Variants in CLHC1 observed in about 807,000 individuals in gnomAD.
CLHC1 encodes clathrin heavy chain linker domain containing 1.
Under a neutral mutation model 69.5 loss-of-function variants are expected in CLHC1, and 72 were observed. The ratio of observed to expected loss-of-function variants is 1.04; its 90% CI spans 0.86 to 1.26. The LOEUF (loss-of-function observed/expected upper bound fraction) is 1.26, where lower values mean the gene tolerates loss of function less well. CLHC1 is among the 50% of genes most tolerant of loss of function. The pLI, the probability that CLHC1 is intolerant of heterozygous loss-of-function variation, is 0.00. For missense variants in CLHC1, 790 were observed against 679.3 expected (o/e 1.16, Z -1.81); for synonymous variants, 223 against 224.3 (o/e 0.99, Z 0.05).
chr2:55,193,806 A>G (rs1671149879), intron 9 of CLHC1, among the ~76,000 whole-genome samples: 1 of 152,226 alleles, frequency 6.6e-6, no homozygotes, highest in Non-Finnish European at 1.5e-5. Flanking sequence ...ATGTAACCAC[A>G]CAAAAACTTG....
Position 55,209,516 on chromosome 2 carries a change from A to G in CLHC1, c.702T>C (p.Cys234=), listed in dbSNP as rs2103941401. 3.1e-6 allele frequency: 5 copies of G among 1,602,174 alleles called. No homozygotes were observed. Among genetic ancestry groups the G allele is most frequent in the Non-Finnish European group, 4.3e-6 (5 of 1,172,842 alleles). The change falls in exon 7 of 13, where the codon TGT becomes TGC. Residue 234 remains cysteine (C), a splice_region_variant and synonymous_variant. Coordinates refer to ENST00000401408, the MANE Select transcript of CLHC1 (RefSeq NM_152385.4). The part of the protein sequence containing the change: ...AENLNKKLQF[C]HQRLQIISQA... ...GTGAAATTATCTGCAGTCTTTGATG[A>G]CTAAAAAGATAAAAAACGTCAATAA...
intron 8 of CLHC1, among the ~76,000 whole-genome samples, chr2:55,207,803 G>A (rs969627032): frequency 1.3e-5 from 2 of 152,168 alleles, no homozygotes; most frequent in Admixed American, 6.5e-5. Context: ...TCTACAAAAA[G>A]AGCTGAAGTA....
chr2:55,223,736 G>A (rs1195129001), intron 2 of CLHC1, among the ~76,000 whole-genome samples: 1 of 152,062 alleles, frequency 6.6e-6, no homozygotes, highest in Non-Finnish European at 1.5e-5. Flanking sequence ...AGGGGCCTAG[G>A]ACGCCCCGGT....
chr2:55,208,274 T>G (rs1672631691), intron 8 of CLHC1, among the ~76,000 whole-genome samples: 2 of 152,196 alleles, frequency 1.3e-5, no homozygotes, highest in Non-Finnish European at 2.9e-5. Context: ...GATCCAAGTC[T>G]AAACACAAAA....
intron 4 of CLHC1, among the ~76,000 whole-genome samples, chr2:55,216,915 G>A (rs1673573506): frequency 6.6e-6 from 1 of 152,062 alleles, no homozygotes; most frequent in South Asian, 2.1e-4. Context: ...TGGGAGGCTG[G>A]GGCATGCAGA....
rs530357252 is a variant in CLHC1 at position 55,212,813 on chromosome 2, A to G, written c.366-7T>C. 151 of 1,596,910 alleles carry G rather than the reference A, an allele frequency of 9.5e-5. 1 individual carries two copies. Among genetic ancestry groups the G allele is most frequent in the Non-Finnish European group, 1.2e-4 (136 of 1,165,146 alleles). ...ACTTTCGATAATCCTCATTCTGGAA[A>G]ACAGAAAGGCTTTCTTATGTCTTTC... On this transcript the variant is annotated splice_polypyrimidine_tract_variant and splice_region_variant and intron_variant, in intron 4 of 12. Transcript: ENST00000401408.
chr2:55,232,364 G>C (rs1675502554), upstream of CLHC1: 1 of 274,326 alleles, frequency 3.6e-6, no homozygotes, highest in African/African-American at 2.2e-5. Flanking sequence ...ACAGTTCCCA[G>C]AATGCACTTC....
chr2:55,222,394 T>G lies in CLHC1; in HGVS notation c.18A>C (p.Ile6=). The G allele has an allele frequency of 6.2e-7, 1 of 1,613,522 alleles. No homozygotes were observed. Among genetic ancestry groups the G allele is most frequent in the Non-Finnish European group, 8.5e-7 (1 of 1,179,834 alleles). The part of the protein sequence containing the change: MSVHQ[I]RKHAVLPPII... The stretch of plus-strand genomic sequence containing the variant: ...TAGGTGGGAGAACTGCATGTTTTCT[T>G]ATTTGATGAACTGACATATTTGACA... Residue 6 remains isoleucine, a synonymous_variant, in exon 3 of 13, where the codon ATA becomes ATC. Transcript: ENST00000401408.
chr2:55,212,364 T>C (rs1673091311), intron 5 of CLHC1, among the ~76,000 whole-genome samples: 1 of 152,334 alleles, frequency 6.6e-6, no homozygotes, highest in Non-Finnish European at 1.5e-5. Context: ...GTTAAGTCTC[T>C]GATCTGATGG....
chr2:55,213,833 G>A (rs1026452589), intron 4 of CLHC1, among the ~76,000 whole-genome samples: 2 of 152,188 alleles, frequency 1.3e-5, no homozygotes, highest in Non-Finnish European at 2.9e-5. Flanking sequence ...GAGAATGATT[G>A]GACTCAATCT....
At chr2:55,230,675 G>C (rs193000810) in intron 1 of CLHC1, among the ~76,000 whole-genome samples, 1 of 152,242 alleles carries the variant, frequency 6.6e-6, no homozygotes, top group Admixed American at 6.5e-5. Context: ...CAGGGTGGCA[G>C]AAAAACTGAG....
chr2:55,202,995 A>C (rs1006027871), intron 9 of CLHC1, among the ~76,000 whole-genome samples: 1 of 152,196 alleles, frequency 6.6e-6, no homozygotes, highest in Non-Finnish European at 1.5e-5. Context: ...ATATGCCAAC[A>C]ACAAACAATC....
rs1410363170 is a variant in CLHC1 at position 55,213,782 on chromosome 2, C to A, written c.366-976G>T. 7.9e-5 allele frequency among the ~76,000 whole-genome samples: 12 copies of A among 151,996 alleles called. 1 individual carries two copies. In the East Asian group the frequency reaches 2.3e-3, roughly 29 times the overall value. The stretch of plus-strand genomic sequence containing the variant: ...AAAGCATAGTAAGGAAGACTTTTTT[C>A]AAGAGGGGCCATGCCAATAGCTATA... On this transcript the variant is annotated intron_variant, in intron 4 of 12. Coordinates refer to ENST00000401408, the MANE Select transcript of CLHC1 (RefSeq NM_152385.4).
Position 55,209,388 on chromosome 2 carries a change from A to C in CLHC1, c.814+16T>G, listed in dbSNP as rs1672762848. 6.7e-7 allele frequency: 1 copy of C among 1,493,734 alleles called. No homozygotes were observed. The highest frequency in any genetic ancestry group is 1.2e-5 in the South Asian group (1 of 83,340). The allele number at this position is 1,493,734 out of a possible 1,614,324, so 92.5% of individuals were successfully genotyped here. A position where few individuals can be genotyped will look rare whatever the true frequency, so the allele number is the denominator to read the frequency against. The stretch of plus-strand genomic sequence containing the variant: ...CTTCCATTATTGGTACTAATTTAAA[A>C]ATATAGATAATCTACCTTGTAAATA... On this transcript the variant is annotated intron_variant, in intron 7 of 12. Coordinates refer to ENST00000401408, the MANE Select transcript of CLHC1 (RefSeq NM_152385.4).
At position 55,206,332 on chromosome 2, in the gene CLHC1, C is replaced by T; in HGVS notation, c.944G>A (p.Cys315Tyr). 6.2e-7 allele frequency: 1 copy of T among 1,611,446 alleles called. No homozygotes were observed. The highest frequency in any genetic ancestry group is 8.5e-7 in the Non-Finnish European group (1 of 1,178,094). The change falls in exon 9 of 13, where the codon TGT becomes TAT. Residue 315 changes from cysteine to tyrosine, a missense_variant. Coordinates refer to ENST00000401408, the MANE Select transcript of CLHC1 (RefSeq NM_152385.4). ...TCTTCTAGGACTGTTTGCTGCATAA[C>T]AAGCTGCCTTTTCATATTCACCAAG... The part of the protein sequence containing the change: ...ISLGEYEKAA[C>Y]YAANSPRRIL...
chr2:55,202,791 C>T (rs1391491683), intron 9 of CLHC1, among the ~76,000 whole-genome samples: 3 of 149,612 alleles, frequency 2.0e-5, no homozygotes, highest in Admixed American at 6.7e-5. Flanking sequence ...CCCAGCGACT[C>T]GGGAGGCTGA....
intron 5 of CLHC1, 52 bp from the exon 6 acceptor site, chr2:55,209,883 G>A: frequency 8.3e-7 from 1 of 1,198,138 alleles, no homozygotes; most frequent in Non-Finnish European, 1.2e-6. Flanking sequence ...TGGGACGCTT[G>A]TGCTCAAAGA....
chr2:55,227,440 G>A (rs1254455228), intron 2 of CLHC1, among the ~76,000 whole-genome samples: 1 of 152,118 alleles, frequency 6.6e-6, no homozygotes, highest in Non-Finnish European at 1.5e-5. Context: ...AGCACTTTGG[G>A]AGGCCGAGGC....
chr2:55,200,304 T>C (rs1157618055), intron 9 of CLHC1, among the ~76,000 whole-genome samples: 1 of 144,698 alleles, frequency 6.9e-6, no homozygotes, highest in Non-Finnish European at 1.5e-5. Flanking sequence ...AAGAAACACT[T>C]CATCTTTAAA....
Sources: gnomAD v4.1 joint callset for allele counts (sites outside exome capture counted in the v4.1 genomes callset) on GRCh38, gnomAD v4.1.1 for gene constraint, MANE v1.5 for transcripts, NCBI Gene and HGNC (gene_info 2026-07-23, HGNC 2026-07-21) for gene names.